RAD51B: variants seen among roughly 807,000 people sequenced by gnomAD.
RAD51B encodes the protein RAD51 paralog B.
Under a neutral mutation model 42.2 loss-of-function variants are expected in RAD51B, and 38 were observed. The ratio of observed to expected loss-of-function variants is 0.90; its 90% confidence interval spans 0.70 to 1.18. The LOEUF (loss-of-function observed/expected upper bound fraction) is 1.18. Ranked by LOEUF, RAD51B falls within the 50% of genes most tolerant of loss-of-function variation. The probability of loss-of-function intolerance (pLI) is 0.00; values close to 1 mark genes in which losing one functional copy is unlikely to be tolerated. For missense variants in RAD51B, 373 were observed against 400.7 expected (o/e 0.93, Z 0.59); for synonymous variants, 154 against 145.2 (o/e 1.06, Z -0.43).
chr14:68,467,484 G>A (rs1393849000), intron 9 of RAD51B, among the ~76,000 whole-genome samples: 1 of 152,200 alleles, frequency 6.6e-6, no homozygotes, highest in African/African-American at 2.4e-5. Flanking sequence ...CTTCTTCTGA[G>A]ATAGCAGACT....
At chr14:67,984,314 T>G (rs2075146824) in intron 7 of RAD51B, among the ~76,000 whole-genome samples, 3 of 152,222 alleles carry the variant, frequency 2.0e-5, no homozygotes, top group African/African-American at 7.2e-5. Flanking sequence ...TAGTAATAAC[T>G]TAATCTGTCT....
At chr14:68,291,635 AG>A (rs1387648289) in intron 7 of RAD51B, among the ~76,000 whole-genome samples, 3 of 152,222 alleles carry the variant, frequency 2.0e-5, no homozygotes, top group African/African-American at 4.8e-5. Context: ...GAATTGATAG[AG>A]GTTTTACTCT....
intron 8 of RAD51B, among the ~76,000 whole-genome samples, chr14:68,352,659 C>T (rs1036825536): frequency 2.0e-5 from 3 of 152,220 alleles, no homozygotes; most frequent in East Asian, 3.8e-4. Flanking sequence ...CCAGAATCCT[C>T]CCATCCCACT....
intron 7 of RAD51B, among the ~76,000 whole-genome samples, chr14:68,179,967 A>G (rs1255949692): frequency 6.6e-6 from 1 of 152,076 alleles, no homozygotes; most frequent in Non-Finnish European, 1.5e-5. Context: ...GATGGTAGAA[A>G]CAGATGGTAG....
intron 8 of RAD51B, among the ~76,000 whole-genome samples, chr14:68,370,497 G>T (rs2083231600): frequency 6.6e-6 from 1 of 152,162 alleles, no homozygotes; most frequent in African/African-American, 2.4e-5. Context: ...AAAGTTTTCA[G>T]CCAGGGATGG....
At chr14:67,950,022 AG>A in intron 7 of RAD51B, among the ~76,000 whole-genome samples, 1 of 152,318 alleles carries the variant, frequency 6.6e-6, no homozygotes, top group South Asian at 2.1e-4. Flanking sequence ...TCTAGACCAC[AG>A]GCCGAGTAGA....
chr14:68,101,983 TCTGTGCATCCATAGGTCCAACACCAC>T (rs2077298227), intron 7 of RAD51B, among the ~76,000 whole-genome samples: 1 of 152,226 alleles, frequency 6.6e-6, no homozygotes, highest in Admixed American at 6.5e-5. Flanking sequence ...ATTCTTGTCT[TCTGTGCATCCATAGGTCCAACACCAC>T]ATGGAAGCTG....
Position 67,864,995 on chromosome 14 carries a change from T to TTTTTTTTTTTTG in RAD51B, c.316-3_316-2insTTTTTTGTTTTT. 1 of 1,346,966 alleles carries TTTTTTTTTTTTG rather than the reference T, an allele frequency of 7.4e-7. No homozygotes were observed. The highest frequency in any genetic ancestry group is 9.5e-7 in the Non-Finnish European group (1 of 1,057,982). The allele number at this position is 1,346,966 out of a possible 1,614,324, so 83.4% of individuals were successfully genotyped here. On this transcript the variant is annotated splice_region_variant and splice_polypyrimidine_tract_variant and intron_variant, in intron 4 of 10. Transcript: ENST00000471583. ...TTTTTTTTTTTTTTTTTTTTTTTTT[T>TTTTTTTTTTTTG]TTTTTAGATTACAGGTCCACCAGGT...
At chr14:68,572,047 T>G (rs1889732326) in intron 10 of RAD51B, among the ~76,000 whole-genome samples, 1 of 152,174 alleles carries the variant, frequency 6.6e-6, no homozygotes, top group African/African-American at 2.4e-5. Context: ...ATTTGTTAGC[T>G]CACGGACCCC....
At chr14:68,346,966 C>G (rs2082689360) in intron 8 of RAD51B, among the ~76,000 whole-genome samples, 1 of 152,190 alleles carries the variant, frequency 6.6e-6, no homozygotes, top group African/African-American at 2.4e-5. Context: ...CCCCCCAAGG[C>G]TGGCTCAGCT....
At chr14:68,587,537 C>T (rs1890545848) in intron 10 of RAD51B, among the ~76,000 whole-genome samples, 1 of 152,148 alleles carries the variant, frequency 6.6e-6, no homozygotes, top group African/African-American at 2.4e-5. Flanking sequence ...AAGCAAACCC[C>T]TAATTCCTCT....
chr14:67,914,993 A>G (rs963426628), intron 7 of RAD51B, among the ~76,000 whole-genome samples: 1 of 152,334 alleles, frequency 6.6e-6, no homozygotes, highest in Non-Finnish European at 1.5e-5. Context: ...ATCAAATACT[A>G]CATGTTCTCA....
At chr14:68,270,622 T>A (rs1044789391) in intron 7 of RAD51B, among the ~76,000 whole-genome samples, 1 of 152,344 alleles carries the variant, frequency 6.6e-6, no homozygotes, top group South Asian at 2.1e-4. Context: ...AGTTTTATAA[T>A]GTTAACATCT....
intron 8 of RAD51B, among the ~76,000 whole-genome samples, chr14:68,343,210 C>T (rs951555339): frequency 6.6e-6 from 1 of 152,130 alleles, no homozygotes; most frequent in Non-Finnish European, 1.5e-5. Flanking sequence ...ACTATACTCG[C>T]CACACAATTT....
At chr14:68,416,438 A>G (rs776607579) in intron 9 of RAD51B, among the ~76,000 whole-genome samples, 9 of 152,154 alleles carry the variant, frequency 5.9e-5, no homozygotes, top group Non-Finnish European at 1.2e-4. Flanking sequence ...CTCAAATGTA[A>G]GGGCAGTGCT....
At chr14:68,346,659 T>C (rs1279342228) in intron 8 of RAD51B, among the ~76,000 whole-genome samples, 2 of 152,238 alleles carry the variant, frequency 1.3e-5, no homozygotes, top group Non-Finnish European at 2.9e-5. Flanking sequence ...GTGTTACTCT[T>C]GTACTTGAAA....
chr14:68,602,311 T>C (rs1891250655), intron 10 of RAD51B, among the ~76,000 whole-genome samples: 1 of 151,984 alleles, frequency 6.6e-6, no homozygotes, highest in Non-Finnish European at 1.5e-5. Flanking sequence ...CATAGACATA[T>C]GTTCACATAC....
intron 7 of RAD51B, among the ~76,000 whole-genome samples, chr14:68,233,399 G>T (rs2080184905): frequency 6.6e-6 from 1 of 152,144 alleles, no homozygotes; most frequent in East Asian, 1.9e-4. Context: ...TTATCATGAA[G>T]CTTATTTTAG....
chr14:67,877,738 C>G (rs374160233), intron 5 of RAD51B, among the ~76,000 whole-genome samples: 1 of 152,232 alleles, frequency 6.6e-6, no homozygotes, highest in African/African-American at 2.4e-5. Context: ...TCATAGCTCA[C>G]TGCTGTCTCG....
Sources: allele counts gnomAD v4.1 joint callset (sites outside exome capture counted in the v4.1 genomes callset), GRCh38; gene constraint gnomAD v4.1.1; transcripts MANE v1.5; gene names NCBI Gene and HGNC (gene_info 2026-07-23, HGNC 2026-07-21).